The following ABTB2 variants were observed in gnomAD, a reference collection of about 807,000 sequenced individuals.
The protein encoded by ABTB2 is ankyrin repeat and BTB domain containing 2.
Under a neutral mutation model 104.1 loss-of-function variants are expected in ABTB2, and 56 were observed. The ratio of observed to expected loss-of-function variants is 0.54; its 90% confidence interval spans 0.43 to 0.67. The LOEUF (loss-of-function observed/expected upper bound fraction) is 0.67. Among genes scored for constraint, ABTB2 ranks in the 30% least tolerant of loss-of-function variants. The pLI is 0.00. For missense variants in ABTB2, 1,279 were observed against 1,407.7 expected, an observed-to-expected ratio of 0.91 and a Z score of 1.46; for synonymous variants, 606 against 608.2, an observed-to-expected ratio of 1.00 and a Z score of 0.05.
Position 34,172,377 on chromosome 11 carries a change from A to T in ABTB2, c.1397+778T>A, listed in dbSNP as rs1253881069. Among the ~76,000 whole-genome samples the T allele has an allele frequency of 3.8e-3, 60 of 15,744 alleles. 3 individuals carry two copies. Among genetic ancestry groups the T allele is most frequent in the African/African-American group, 6.8e-3 (58 of 8,504 alleles). 10.3% of individuals were successfully genotyped at this position (15,744 alleles called of 152,430 possible). On this transcript the variant is annotated intron_variant, in intron 4 of 16. Transcript: ENST00000435224. ...ACAGAGTGAAACTCTGTCTCAAAAAAAAAAAAAAAAAAAAAAAAATATATA... is the reference window on the plus strand; with the variant it reads ...ACAGAGTGAAACTCTGTCTCAAAAATAAAAAAAAAAAAAAAAAAATATATA...
chr11:34,226,831 C>T (rs200056906), intron 1 of ABTB2, among the ~76,000 whole-genome samples: 2 of 151,968 alleles, frequency 1.3e-5, no homozygotes, highest in East Asian at 1.9e-4. Flanking sequence ...TTTGGGAGGC[C>T]GAGGCAGGTG....
chr11:34,353,097 G>A (rs1004348287), intron 1 of ABTB2, among the ~76,000 whole-genome samples: 2 of 152,064 alleles, frequency 1.3e-5, no homozygotes, highest in African/African-American at 4.8e-5. Context: ...CAAAATAAAT[G>A]GCAAAGGTAG....
chr11:34,159,436 CACT>C, intron 13 of ABTB2, 50 bp from the exon 14 acceptor site: 1 of 1,259,824 alleles, frequency 7.9e-7, no homozygotes. Flanking sequence ...TTTACTTCAC[CACT>C]GTGTGGCGAT....
chr11:34,279,395 C>T (rs1854423194), intron 1 of ABTB2, among the ~76,000 whole-genome samples: 2 of 152,090 alleles, frequency 1.3e-5, no homozygotes, highest in African/African-American at 4.8e-5. Context: ...GCTGCCATGC[C>T]CGGTCTGTTC....
intron 4 of ABTB2, among the ~76,000 whole-genome samples, chr11:34,172,517 C>T (rs1385451260): frequency 4.0e-5 from 6 of 149,784 alleles, no homozygotes; most frequent in Admixed American, 6.7e-5. Flanking sequence ...TGGCCAGGGA[C>T]GCTTCTCTAG....
Position 34,204,666 on chromosome 11 carries a change from A to G in ABTB2, c.908T>C (p.Phe303Ser). Residue 303 changes from phenylalanine (F) to serine (S), a missense_variant, in exon 2 of 17, where the codon TTC becomes TCC. Physicochemically the swap from Phe to Ser is radical, Grantham distance 155 (BLOSUM62 -2). Transcript: ENST00000435224. The part of the protein sequence containing the change: ...ANGVLSLPAY[F>S]SPYNGGSLGH... ...CAGGGACCCGCCGTTGTAGGGGCTG[A>G]AGTATGCGGGGAGGGAGAGGACACC... is the stretch of plus-strand genomic sequence containing the variant. 6.2e-7 allele frequency: 1 copy of G among 1,613,876 alleles called. No homozygotes were observed. The highest frequency in any genetic ancestry group is 8.5e-7 in the Non-Finnish European group (1 of 1,179,938).
Position 34,162,605 on chromosome 11 carries a change from A to T in ABTB2, c.2189T>A (p.Val730Glu). ...AMYYSAEHGY[V>E]DITMELRALG... ...TGCCCTCAGCTCCATGGTGATGTCC[A>T]CGTAGCCGTGCTCAGCGCTGTAGTA... The change falls in exon 10 of 17, where the codon GTG becomes GAG. Residue 730 changes from valine to glutamate, a missense_variant. Transcript: ENST00000435224. 2 of 1,613,586 alleles carry T rather than the reference A, an allele frequency of 1.2e-6. No individual in the cohort carries two copies. Among genetic ancestry groups the T allele is most frequent in the Non-Finnish European group, 1.7e-6 (2 of 1,179,974 alleles).
intron 6 of ABTB2, among the ~76,000 whole-genome samples, chr11:34,167,695 G>A (rs530309418): frequency 1.8e-4 from 27 of 152,180 alleles, no homozygotes; most frequent in Admixed American, 6.5e-4. Flanking sequence ...ACTCACTCCC[G>A]CCTCAGTCCA....
chr11:34,239,255 C>T (rs988800697), intron 1 of ABTB2, among the ~76,000 whole-genome samples: 2 of 152,132 alleles, frequency 1.3e-5, no homozygotes, highest in South Asian at 2.1e-4. Flanking sequence ...TGGGTTTGTG[C>T]GCCCACCTCT....
intron 16 of ABTB2, among the ~76,000 whole-genome samples, chr11:34,153,684 G>A (rs1398447623): frequency 6.6e-6 from 1 of 152,222 alleles, no homozygotes. Flanking sequence ...GGATTGCAGG[G>A]CTAAAGCCAG....
intron 1 of ABTB2, among the ~76,000 whole-genome samples, chr11:34,293,365 AGTACTTGCG>A: frequency 6.6e-6 from 1 of 152,226 alleles, no homozygotes; most frequent in South Asian, 2.1e-4. Context: ...CCTGGCTGGT[AGTACTTGCG>A]AAGTGACTCT....
intron 1 of ABTB2, among the ~76,000 whole-genome samples, chr11:34,255,797 G>A (rs1565152445): frequency 6.6e-6 from 1 of 152,160 alleles, no homozygotes; most frequent in African/African-American, 2.4e-5. Context: ...GATTACAGGC[G>A]TGAGCCACCA....
intron 1 of ABTB2, among the ~76,000 whole-genome samples, chr11:34,273,609 C>T (rs1854346161): frequency 6.6e-6 from 1 of 152,112 alleles, no homozygotes; most frequent in South Asian, 2.1e-4. Context: ...TGGCAGACCT[C>T]CGAGGAGAGG....
intron 2 of ABTB2, among the ~76,000 whole-genome samples, chr11:34,203,083 G>A (rs1853364692): frequency 6.6e-6 from 1 of 152,154 alleles, no homozygotes; most frequent in Non-Finnish European, 1.5e-5. Flanking sequence ...AGAGGCAAAG[G>A]ATCAGCCCCG....
intron 1 of ABTB2, among the ~76,000 whole-genome samples, chr11:34,235,100 A>T (rs1308338869): frequency 1.3e-5 from 2 of 152,066 alleles, no homozygotes; most frequent in Non-Finnish European, 2.9e-5. Flanking sequence ...TGACCTTGTG[A>T]TCCGCCTGCC....
intron 1 of ABTB2, among the ~76,000 whole-genome samples, chr11:34,346,161 G>C (rs1246332450): frequency 6.6e-6 from 1 of 152,156 alleles, no homozygotes; most frequent in Non-Finnish European, 1.5e-5. Flanking sequence ...CCTGCCAATG[G>C]CAACAAACAG....
intron 1 of ABTB2, among the ~76,000 whole-genome samples, chr11:34,218,115 A>G (rs912145533): frequency 1.2e-4 from 19 of 152,218 alleles, no homozygotes; most frequent in African/African-American, 4.6e-4. Flanking sequence ...AAGATCTTTG[A>G]TCCATTTTTA....
chr11:34,152,221 G>A lies in ABTB2; in HGVS notation c.*166C>T. 4.2e-6 allele frequency: 3 copies of A among 721,084 alleles called. No individual in the cohort carries two copies. The highest frequency in any genetic ancestry group is 4.5e-6 in the Non-Finnish European group (2 of 444,464). The allele number at this position is 721,084 out of a possible 1,614,324, so 44.7% of individuals were successfully genotyped here. A position where few individuals can be genotyped will look rare whatever the true frequency, so the allele number is the denominator to read the frequency against. On this transcript the variant is annotated 3_prime_UTR_variant, in exon 17 of 17. Transcript: ENST00000435224. ...TCAGTGATTGAACAAACAGCTCTAG[G>A]GCAGAGGAGATGAGGGTGAGCTGCC...
intron 1 of ABTB2, among the ~76,000 whole-genome samples, chr11:34,328,521 G>A (rs1393676044): frequency 2.0e-5 from 3 of 152,148 alleles, no homozygotes; most frequent in Non-Finnish European, 4.4e-5. Flanking sequence ...ATGAGACAAC[G>A]TATGCAAAAT....
Sources: allele counts gnomAD v4.1 joint callset (sites outside exome capture counted in the v4.1 genomes callset), GRCh38; gene constraint gnomAD v4.1.1; transcripts MANE v1.5; gene names NCBI Gene and HGNC (gene_info 2026-07-23, HGNC 2026-07-21).